CPA6: variants seen among roughly 807,000 people sequenced by gnomAD.
The protein encoded by CPA6 is carboxypeptidase B.
Under a neutral mutation model 63.3 loss-of-function variants are expected in CPA6, and 58 were observed. That is an observed-to-expected ratio of 0.92 (90% CI 0.74 to 1.14). The LOEUF (loss-of-function observed/expected upper bound fraction) is 1.14. Among genes scored for constraint, CPA6 ranks in the 50% most tolerant of loss-of-function variants. The probability of loss-of-function intolerance (pLI) is 0.00; values close to 1 mark genes in which losing one functional copy is unlikely to be tolerated. For missense variants in CPA6, 565 were observed against 526.6 expected, an observed-to-expected ratio of 1.07 and a Z score of -0.71; for synonymous variants, 185 against 179.0, an observed-to-expected ratio of 1.03 and a Z score of -0.27.
chr8:67,457,123 T>C (rs1334403509), intron 8 of CPA6, among the ~76,000 whole-genome samples: 1 of 152,244 alleles, frequency 6.6e-6, no homozygotes, highest in Middle Eastern at 3.2e-3. Flanking sequence ...AAGTTTGTAA[T>C]TTGTTACAGC....
In CPA6 at chr8:67,642,643, T is replaced by C. The variant is rs371064343; in HGVS notation, c.117-18392A>G. On this transcript the variant is annotated intron_variant, in intron 1 of 10. Transcript: ENST00000297770. ...TGGAACTGGCATGAGGGTAGTCCAA[T>C]ATATCAGAAGCAGATCCTTATGTAT... is the stretch of plus-strand genomic sequence containing the variant. Among the ~76,000 whole-genome samples the C allele has an allele frequency of 6.6e-5, 10 of 152,302 alleles. 1 individual carries two copies. The highest frequency in any genetic ancestry group is 2.6e-4 in the Admixed American group (4 of 15,294).
chr8:67,422,458 G>A lies in CPA6; in HGVS notation c.*46C>T. 6 of 1,532,334 alleles carry A rather than the reference G, an allele frequency of 3.9e-6. No individual in the cohort carries two copies. The highest frequency in any genetic ancestry group is 5.4e-6 in the Non-Finnish European group (6 of 1,115,462). The allele number at this position is 1,532,334 out of a possible 1,614,324, so 94.9% of individuals were successfully genotyped here. A position where few individuals can be genotyped will look rare whatever the true frequency, so the allele number is the denominator to read the frequency against. ...ACAATTTCTATCCAGGGCCAAGTAGGCCTTGCTCAGAATCCTATGGCAGTT... is the reference window on the plus strand; with the variant it reads ...ACAATTTCTATCCAGGGCCAAGTAGACCTTGCTCAGAATCCTATGGCAGTT... On this transcript the variant is annotated 3_prime_UTR_variant, in exon 11 of 11. Transcript: ENST00000297770.
intron 2 of CPA6, among the ~76,000 whole-genome samples, chr8:67,585,480 T>C (rs1332412701): frequency 6.6e-6 from 1 of 152,056 alleles, no homozygotes; most frequent in African/African-American, 2.4e-5. Context: ...GAGAAAGCCA[T>C]GTTGTTAGAC....
At chr8:67,544,312 A>G (rs1271948795) in intron 2 of CPA6, among the ~76,000 whole-genome samples, 1 of 152,188 alleles carries the variant, frequency 6.6e-6, no homozygotes, top group Non-Finnish European at 1.5e-5. Flanking sequence ...AGGTGTACCA[A>G]TTCATTGTTA....
chr8:67,605,448 A>G (rs1459881633), intron 2 of CPA6, among the ~76,000 whole-genome samples: 1 of 151,906 alleles, frequency 6.6e-6, no homozygotes, highest in African/African-American at 2.4e-5. Context: ...AAACAACTCT[A>G]GATTACTTAT....
At chr8:67,718,708 G>A (rs745932528) in intron 1 of CPA6, among the ~76,000 whole-genome samples, 6 of 150,916 alleles carry the variant, frequency 4.0e-5, no homozygotes, top group Admixed American at 1.3e-4. Flanking sequence ...GTGCAGTGGC[G>A]TGATCTCAGC....
chr8:67,487,276 T>C (rs1404474867), intron 6 of CPA6, among the ~76,000 whole-genome samples: 1 of 152,118 alleles, frequency 6.6e-6, no homozygotes, highest in East Asian at 1.9e-4. Context: ...CATTATTCAA[T>C]TCCCACCTGA....
At chr8:67,592,634 G>A (rs1424457800) in intron 2 of CPA6, among the ~76,000 whole-genome samples, 2 of 151,848 alleles carry the variant, frequency 1.3e-5, no homozygotes, top group African/African-American at 4.8e-5. Context: ...ATGTGTCGAG[G>A]AATTTATCCA....
At chr8:67,602,442 C>A (rs1344680429) in intron 2 of CPA6, among the ~76,000 whole-genome samples, 1 of 152,116 alleles carries the variant, frequency 6.6e-6, no homozygotes, top group Non-Finnish European at 1.5e-5. Context: ...ATAAATACGT[C>A]CAACTTTTTA....
chr8:67,694,103 G>T (rs761010768), intron 1 of CPA6, among the ~76,000 whole-genome samples: 2 of 152,222 alleles, frequency 1.3e-5, no homozygotes, highest in Non-Finnish European at 2.9e-5. Context: ...TTTACTGAGT[G>T]ATCTAAAAAG....
At chr8:67,617,892 C>T (rs923326363) in intron 2 of CPA6, among the ~76,000 whole-genome samples, 1 of 152,084 alleles carries the variant, frequency 6.6e-6, no homozygotes, top group Non-Finnish European at 1.5e-5. Flanking sequence ...AGGCCACCCA[C>T]AATTTCTTGC....
chr8:67,685,210 C>A (rs192574699), intron 1 of CPA6, among the ~76,000 whole-genome samples: 1 of 152,286 alleles, frequency 6.6e-6, no homozygotes, highest in East Asian at 1.9e-4. Context: ...TATCAAACAG[C>A]TTCTAAAACT....
intron 1 of CPA6, among the ~76,000 whole-genome samples, chr8:67,695,481 G>A (rs1349295919): frequency 1.3e-5 from 2 of 152,144 alleles, no homozygotes; most frequent in Non-Finnish European, 2.9e-5. Flanking sequence ...ATATAAATTC[G>A]CCTTCTGTGA....
intron 1 of CPA6, among the ~76,000 whole-genome samples, chr8:67,633,884 C>T (rs1815402347): frequency 7.8e-6 from 1 of 128,724 alleles, no homozygotes; most frequent in South Asian, 2.5e-4. Context: ...CTCTATCCTT[C>T]TCCCCCCAAA....
chr8:67,659,456 T>C (rs1209947547), intron 1 of CPA6, among the ~76,000 whole-genome samples: 1 of 152,242 alleles, frequency 6.6e-6, no homozygotes, highest in Non-Finnish European at 1.5e-5. Flanking sequence ...TAATTTTGGA[T>C]ATAATTTATC....
rs149042008 is a variant in CPA6, at chr8:67,483,545, C to T, written c.838+223G>A. ...TATTTAAATTTTCAGTTTTCAGGAC[C>T]GAATTGACATATTTAAAATCCTTGA... On this transcript the variant is annotated intron_variant, in intron 8 of 10. Transcript: ENST00000297770. 2,166 of 555,180 alleles carry T rather than the reference C, an allele frequency of 3.9e-3. 10 individuals carry two copies. The highest frequency in any genetic ancestry group is 0.01 in the Middle Eastern group (22 of 2,096). 34.4% of individuals were successfully genotyped at this position (555,180 alleles called of 1,614,324 possible). A position where few individuals can be genotyped will look rare whatever the true frequency, so the allele number is the denominator to read the frequency against.
At chr8:67,709,846 C>T (rs1433110727) in intron 1 of CPA6, among the ~76,000 whole-genome samples, 2 of 152,132 alleles carry the variant, frequency 1.3e-5, no homozygotes, top group Non-Finnish European at 2.9e-5. Flanking sequence ...TGTGGTGGCT[C>T]ACGCCTGTAA....
chr8:67,475,544 G>T (rs147860746), intron 8 of CPA6, among the ~76,000 whole-genome samples: 10 of 152,316 alleles, frequency 6.6e-5, no homozygotes, highest in African/African-American at 2.2e-4. Flanking sequence ...CTGCAGGCTT[G>T]CTTGGGATGT....
intron 2 of CPA6, among the ~76,000 whole-genome samples, chr8:67,573,410 C>T (rs1358784473): frequency 6.6e-6 from 1 of 152,096 alleles, no homozygotes; most frequent in African/African-American, 2.4e-5. Flanking sequence ...AACTGATATA[C>T]AAATTCAGTA....
Sources: allele counts gnomAD v4.1 joint callset (sites outside exome capture counted in the v4.1 genomes callset), GRCh38; gene constraint gnomAD v4.1.1; transcripts MANE v1.5; gene names NCBI Gene and HGNC (gene_info 2026-07-23, HGNC 2026-07-21).